The following DR1 variants were observed in gnomAD, a reference collection of about 807,000 sequenced individuals.
DR1 encodes down-regulator of transcription 1, also known as protein Dr1.
Under a neutral mutation model 19.9 loss-of-function variants are expected in DR1, and 7 were observed. The observed-to-expected ratio is 0.35, with a 90% confidence interval of 0.20 to 0.66. The LOEUF (loss-of-function observed/expected upper bound fraction) is 0.66. Among genes scored for constraint, DR1 ranks in the 30% least tolerant of loss-of-function variants. The pLI, the probability that DR1 is intolerant of heterozygous loss-of-function variation, is 0.66. For synonymous variants in DR1, 76 were observed against 72.5 expected (o/e 1.05, Z -0.24); for missense variants, 98 against 203.7 (o/e 0.48, Z 3.16).
intron 1 of DR1, among the ~76,000 whole-genome samples, chr1:93,347,780 A>G (rs969985629): frequency 8.5e-5 from 13 of 152,118 alleles, no homozygotes; most frequent in Non-Finnish European, 1.5e-4. Context: ...CATATTTACT[A>G]TTCATAATGT....
Position 93,346,550 on chromosome 1 carries a change from ACT to A in DR1, c.-92_-91del. Reference sequence around the variant, plus strand: ...TCTTCGCAAAGCACCCCCCGGGATCACTCTCCGAGGGCGACTTTTTGAGAAAT... The same window carrying A: ...TCTTCGCAAAGCACCCCCCGGGATCACTCCGAGGGCGACTTTTTGAGAAAT... On this transcript the variant is annotated 5_prime_UTR_variant, in exon 1 of 3. Transcript: ENST00000370272. 6.0e-6 allele frequency: 6 copies of A among 994,644 alleles called. 1 individual carries two copies. In the South Asian group the frequency reaches 8.7e-5, roughly 15 times the overall value. The allele number at this position is 994,644 out of a possible 1,614,324, so 61.6% of individuals were successfully genotyped here.
At position 93,367,969 on chromosome 1, in the gene DR1, A is replaced by C. The variant is rs771448; in HGVS notation, c.*7330A>C. 123,566 of 152,198 alleles carry C rather than the reference A, an allele frequency of 0.81. 50,487 individuals are homozygous for C. Among genetic ancestry groups the C allele is most frequent in the East Asian group, 0.97 (5,032 of 5,190 alleles). The allele number at this position is 152,198 out of a possible 1,614,324, so 9.4% of individuals were successfully genotyped here. On this transcript the variant is annotated 3_prime_UTR_variant, in exon 3 of 3. Coordinates refer to ENST00000370272, the MANE Select transcript of DR1 (RefSeq NM_001938.3). ...GAGGTTGCAGTGAGTTGAGATCGCG[A>C]CACTGCACTCCAGCCTGACAACAGA...
chr1:93,355,633 C>T (rs1176350929), intron 2 of DR1: 1 of 152,200 alleles, frequency 6.6e-6, no homozygotes, highest in Non-Finnish European at 1.5e-5. Context: ...AAATAATTGA[C>T]TGCCTGCTAT....
At chr1:93,351,502 C>T (rs1666912699) in intron 1 of DR1, among the ~76,000 whole-genome samples, 1 of 145,898 alleles carries the variant, frequency 6.9e-6, no homozygotes, top group African/African-American at 2.6e-5. Flanking sequence ...GTGGTGTGAC[C>T]TCGGCTCTCT....
At position 93,360,610 on chromosome 1, in the gene DR1, C is replaced by T; in HGVS notation, c.502C>T (p.Gln168Ter). ...ASASNQAGSS[Q>*]DEEDDDDI Reference sequence around the variant, plus strand: ...TGCATCTAATCAGGCGGGATCTTCTCAGGATGAAGAAGATGATGATGATAT... The same window carrying T: ...TGCATCTAATCAGGCGGGATCTTCTTAGGATGAAGAAGATGATGATGATAT... The change falls in exon 3 of 3, where the codon CAG (glutamine) becomes TAG (stop). Residue 168 changes from glutamine to a stop codon, truncating the protein, a stop_gained. Transcript: ENST00000370272. LOFTEE classifies it high-confidence loss of function. The T allele has an allele frequency of 6.3e-7, 1 of 1,590,602 alleles. No homozygotes were observed. The highest frequency in any genetic ancestry group is 8.5e-7 in the Non-Finnish European group (1 of 1,171,924).
rs1667087961 is a variant in DR1, at chr1:93,363,805, G to A, written c.*3166G>A. 1.3e-5 allele frequency: 2 copies of A among 152,122 alleles called. No homozygotes were observed. Among genetic ancestry groups the A allele is most frequent in the South Asian group, 4.1e-4 (2 of 4,834 alleles). 9.4% of individuals were successfully genotyped at this position (152,122 alleles called of 1,614,324 possible). A position where few individuals can be genotyped will look rare whatever the true frequency, so the allele number is the denominator to read the frequency against. ...CAAAGTGAGATCCATTCTTATTGTT[G>A]CATGTATTTGTAGTTCATTCATTCT... On this transcript the variant is annotated 3_prime_UTR_variant, in exon 3 of 3. Transcript: ENST00000370272.
chr1:93,351,351 T>C (rs974893789), intron 1 of DR1, among the ~76,000 whole-genome samples: 1 of 151,976 alleles, frequency 6.6e-6, no homozygotes, highest in African/African-American at 2.4e-5. Context: ...CAGCCTTAAA[T>C]GTTTTTAAAG....
In DR1 at chr1:93,352,883, G is replaced by A. The variant is rs1437130844; in HGVS notation, c.221-1025G>A. Among the ~76,000 whole-genome samples, 4 of 135,174 alleles carry A rather than the reference G, an allele frequency of 3.0e-5. No individual in the cohort carries two copies. The East Asian group carries it at 8.9e-4, about 30-fold the overall frequency. 88.7% of individuals were successfully genotyped at this position (135,174 alleles called of 152,430 possible). ...TTCTGGATTACAGAAGGTATTTAGG[G>A]TGTGTGAATTTTTTTTTTTTTTTTT... On this transcript the variant is annotated intron_variant, in intron 1 of 2. Coordinates refer to ENST00000370272, the MANE Select transcript of DR1 (RefSeq NM_001938.3).
chr1:93,362,231 A>G lies in DR1; in HGVS notation c.*1592A>G, dbSNP rs1667063457. The G allele has an allele frequency of 6.6e-6, 1 of 152,460 alleles. No individual in the cohort carries two copies. The highest frequency in any genetic ancestry group is 1.5e-5 in the Non-Finnish European group (1 of 67,886). The allele number at this position is 152,460 out of a possible 1,614,324, so 9.4% of individuals were successfully genotyped here. On this transcript the variant is annotated 3_prime_UTR_variant, in exon 3 of 3. Transcript: ENST00000370272. Reference sequence around the variant, plus strand: ...AATTTTGCTGAATGTTTTAAGTTGAAGTTACTTCATGGATGTCATACCCAT... The same window carrying G: ...AATTTTGCTGAATGTTTTAAGTTGAGGTTACTTCATGGATGTCATACCCAT...
intron 2 of DR1, chr1:93,355,775 G>A (rs1666973027): frequency 6.6e-6 from 1 of 152,054 alleles, no homozygotes; most frequent in Non-Finnish European, 1.5e-5. Flanking sequence ...CCAGCGGAGA[G>A]GTAATATTAT....
At position 93,346,607 on chromosome 1, in the gene DR1, A is replaced by T; in HGVS notation, c.-39A>T. The stretch of plus-strand genomic sequence containing the variant: ...GTGGAGTAGTGGACCAGAGCTGGGG[A>T]GTTTTTAAAAGCCGGGGCGCGAGAA... On this transcript the variant is annotated 5_prime_UTR_variant, in exon 1 of 3. Coordinates refer to ENST00000370272, the MANE Select transcript of DR1 (RefSeq NM_001938.3). The T allele has an allele frequency of 6.4e-7, 1 of 1,551,946 alleles. No homozygotes were observed. Among genetic ancestry groups the T allele is most frequent in the Non-Finnish European group, 8.9e-7 (1 of 1,126,332 alleles).
intron 1 of DR1, among the ~76,000 whole-genome samples, chr1:93,352,560 A>G (rs965547015): frequency 7.9e-5 from 12 of 152,240 alleles, no homozygotes; most frequent in African/African-American, 2.9e-4. Flanking sequence ...CAAAATGTCT[A>G]AAAACCACAG....
chr1:93,350,050 A>G (rs1666897586), intron 1 of DR1, among the ~76,000 whole-genome samples: 2 of 152,206 alleles, frequency 1.3e-5, no homozygotes, highest in Non-Finnish European at 1.5e-5. Flanking sequence ...GAAGGGACAC[A>G]TCTAATTTGC....
rs5776179 is a variant in DR1 at position 93,356,232 on chromosome 1, C to CT, written c.384+2175dup. On this transcript the variant is annotated intron_variant, in intron 2 of 2. Coordinates refer to ENST00000370272, the MANE Select transcript of DR1 (RefSeq NM_001938.3). ...ATACAAATAAAATTTTATCAATCAA[C>CT]TTTTTTTTTTTTTTAAAGAGACAGG... Among the ~76,000 whole-genome samples the CT allele has an allele frequency of 5.4e-4, 79 of 147,628 alleles. 1 individual carries two copies. Among genetic ancestry groups the CT allele is most frequent in the African/African-American group, 1.4e-3 (58 of 40,276 alleles).
intron 2 of DR1, chr1:93,355,147 G>T (rs112512595): frequency 6.6e-6 from 1 of 151,926 alleles, no homozygotes; most frequent in East Asian, 1.9e-4. Context: ...TGAACATTTA[G>T]TGACAGAAGA....
At position 93,368,078 on chromosome 1, in the gene DR1, T is replaced by G. The variant is rs1271213231; in HGVS notation, c.*7439T>G. 6.6e-6 allele frequency: 1 copy of G among 152,210 alleles called. No individual in the cohort carries two copies. Among genetic ancestry groups the G allele is most frequent in the Non-Finnish European group, 1.5e-5 (1 of 68,040 alleles). 9.4% of individuals were successfully genotyped at this position (152,210 alleles called of 1,614,324 possible). On this transcript the variant is annotated 3_prime_UTR_variant, in exon 3 of 3. Coordinates refer to ENST00000370272, the MANE Select transcript of DR1 (RefSeq NM_001938.3). Reference sequence around the variant, plus strand: ...CTGTATGTGATATGAACAATGAGGATCAACTCTTTTTGTAATAGTTTTTTT... The same window carrying G: ...CTGTATGTGATATGAACAATGAGGAGCAACTCTTTTTGTAATAGTTTTTTT...
chr1:93,354,507 A>G (rs1232785865), intron 2 of DR1, among the ~76,000 whole-genome samples: 1 of 152,208 alleles, frequency 6.6e-6, no homozygotes, highest in Non-Finnish European at 1.5e-5. Flanking sequence ...AAAATATTTT[A>G]AAGCTAGTAG....
chr1:93,353,798 C>T, intron 1 of DR1, 110 bp from the exon 2 acceptor site: 4 of 819,952 alleles, frequency 4.9e-6, no homozygotes, highest in Non-Finnish European at 1.8e-6. Context: ...TAGAAAACAG[C>T]AAAACATTCC....
intron 1 of DR1, among the ~76,000 whole-genome samples, chr1:93,353,004 C>G (rs1193940434): frequency 2.0e-5 from 3 of 151,506 alleles, no homozygotes; most frequent in Non-Finnish European, 4.4e-5. Flanking sequence ...AAGCAATCCT[C>G]TCACCTCAGC....
Sources: allele counts gnomAD v4.1 joint callset (sites outside exome capture counted in the v4.1 genomes callset), GRCh38; gene constraint gnomAD v4.1.1; transcripts MANE v1.5; gene names NCBI Gene and HGNC (gene_info 2026-07-23, HGNC 2026-07-21).